The following UVRAG variants were observed in gnomAD, a reference collection of about 807,000 sequenced individuals.
UVRAG encodes UV radiation resistance associated, also known as UV radiation resistance-associated gene protein.
In UVRAG, 19 loss-of-function variants were observed where a neutral mutation model predicts 78.0. That is an observed-to-expected ratio of 0.24 (90% confidence interval 0.17 to 0.36). The LOEUF (loss-of-function observed/expected upper bound fraction) is 0.36. Ranked by LOEUF, UVRAG falls within the 10% of genes least tolerant of loss-of-function variation. The pLI is 1.00. For missense variants in UVRAG, 740 were observed against 853.8 expected (o/e 0.87, Z 1.66); for synonymous variants, 323 against 324.6 (o/e 1.00, Z 0.05).
chr11:75,892,348 A>G (rs886736209), intron 5 of UVRAG: 8 of 985,438 alleles, frequency 8.1e-6, no homozygotes, highest in Non-Finnish European at 9.6e-6. Flanking sequence ...CTCCTGAGAA[A>G]TGGAGTGGGG....
intron 1 of UVRAG, among the ~76,000 whole-genome samples, chr11:75,849,983 G>A (rs952966120): frequency 1.3e-5 from 2 of 151,942 alleles, no homozygotes; most frequent in African/African-American, 4.9e-5. Context: ...GAATCTTCTA[G>A]GACCCACATA....
intron 13 of UVRAG, among the ~76,000 whole-genome samples, chr11:76,079,598 G>GT (rs1438605157): frequency 6.6e-6 from 1 of 152,138 alleles, no homozygotes; most frequent in African/African-American, 2.4e-5. Context: ...CTAGGCTTAT[G>GT]TAAGTCCAAT....
At chr11:75,880,297 G>A (rs995126721) in intron 4 of UVRAG, among the ~76,000 whole-genome samples, 1 of 152,206 alleles carries the variant, frequency 6.6e-6, no homozygotes, top group African/African-American at 2.4e-5. Flanking sequence ...ATGGATTTGT[G>A]TGTGTGTTTA....
At chr11:76,067,597 A>C (rs1951216668) in intron 13 of UVRAG, among the ~76,000 whole-genome samples, 1 of 152,120 alleles carries the variant, frequency 6.6e-6, no homozygotes, top group Non-Finnish European at 1.5e-5. Context: ...TCTCTACTAA[A>C]AAATACAAAA....
rs57423859 is a variant in UVRAG, at chr11:76,114,041, G to A, written c.1306-1883G>A. 4.7e-3 allele frequency among the ~76,000 whole-genome samples: 712 copies of A among 152,040 alleles called. 8 individuals carry two copies. Among genetic ancestry groups the A allele is most frequent in the African/African-American group, 0.017 (688 of 41,476 alleles). ...CAGGCAATTGTCTGTGTACTCACTC[G>A]GAGACACATAGCTTAGTGTTATTTC... is the stretch of plus-strand genomic sequence containing the variant. On this transcript the variant is annotated intron_variant, in intron 13 of 14. Coordinates refer to ENST00000356136, the MANE Select transcript of UVRAG (RefSeq NM_003369.4).
chr11:75,997,202 T>G (rs935050944), intron 8 of UVRAG, among the ~76,000 whole-genome samples: 55 of 152,240 alleles, frequency 3.6e-4, no homozygotes, highest in African/African-American at 1.3e-3. Context: ...TATTGCTTTT[T>G]GGTCATCTGA....
intron 13 of UVRAG, among the ~76,000 whole-genome samples, chr11:76,071,785 G>A (rs55979208): frequency 0.033 from 4,997 of 152,156 alleles, 90 homozygotes; most frequent in Non-Finnish European, 0.038. Flanking sequence ...TGGACTGAAC[G>A]TGGGAGATGA....
intron 6 of UVRAG, among the ~76,000 whole-genome samples, chr11:75,947,896 A>T (rs753480038): frequency 2.6e-5 from 4 of 152,200 alleles, no homozygotes; most frequent in Non-Finnish European, 4.4e-5. Flanking sequence ...CACTAAATAA[A>T]TATGTATTCA....
At chr11:75,959,603 C>T (rs189372392) in intron 6 of UVRAG, among the ~76,000 whole-genome samples, 5 of 152,314 alleles carry the variant, frequency 3.3e-5, no homozygotes, top group Non-Finnish European at 5.9e-5. Flanking sequence ...AAACTCTTTC[C>T]GCATCAGCAA....
At chr11:76,053,934 C>G (rs1950926318) in intron 12 of UVRAG, among the ~76,000 whole-genome samples, 1 of 144,624 alleles carries the variant, frequency 6.9e-6, no homozygotes, top group African/African-American at 2.6e-5. Flanking sequence ...TGCGCCACTG[C>G]ACTCCAGCCT....
intron 12 of UVRAG, among the ~76,000 whole-genome samples, chr11:76,046,070 C>T (rs1020530826): frequency 3.9e-5 from 6 of 152,076 alleles, no homozygotes; most frequent in African/African-American, 1.4e-4. Flanking sequence ...TCCTCAAAGG[C>T]AGCACTGAAA....
rs919151744 is a variant in UVRAG, at chr11:75,939,990, G to A, written c.594-21454G>A. Among the ~76,000 whole-genome samples the A allele has an allele frequency of 5.3e-5, 8 of 152,114 alleles. No individual in the cohort carries two copies. In the East Asian group the frequency reaches 1.5e-3, roughly 29 times the overall value. On this transcript the variant is annotated intron_variant, in intron 6 of 14. Coordinates refer to ENST00000356136, the MANE Select transcript of UVRAG (RefSeq NM_003369.4). ...AACACTATACCAAAAACTTAAATGA[G>A]CAAAATTAATCACATGTATTGGCAA...
chr11:76,108,615 T>G (rs1425190929), intron 13 of UVRAG, among the ~76,000 whole-genome samples: 3 of 152,198 alleles, frequency 2.0e-5, no homozygotes, highest in Admixed American at 6.5e-5. Context: ...ACTATATTTT[T>G]ATACAAAAAG....
In UVRAG at chr11:76,143,640, T is replaced by C. The variant is rs1481135072; in HGVS notation, c.*2227T>C. 2.0e-5 allele frequency among the ~76,000 whole-genome samples: 3 copies of C among 152,208 alleles called. No homozygotes were observed. The highest frequency in any genetic ancestry group is 2.9e-5 in the Non-Finnish European group (2 of 68,038). ...TTTAGTTCGAGTTTGGGGTTTTCAT[T>C]TGAACTTGTTTGATGTCTGCAGTTT... On this transcript the variant is annotated 3_prime_UTR_variant, in exon 15 of 15. Transcript: ENST00000356136.
intron 7 of UVRAG, among the ~76,000 whole-genome samples, chr11:75,975,422 T>C (rs1243806556): frequency 6.6e-6 from 1 of 152,238 alleles, no homozygotes; most frequent in Non-Finnish European, 1.5e-5. Flanking sequence ...GGTAGCTTGA[T>C]GGGGATGGCA....
chr11:76,116,032 C>T lies in UVRAG; in HGVS notation c.1397+17C>T. ...GGTCAGGTGGTGAGTACCTTTATCT[C>T]TGATAACCAGAAACTGTAATGTGGA... On this transcript the variant is annotated intron_variant, in intron 14 of 14. Coordinates refer to ENST00000356136, the MANE Select transcript of UVRAG (RefSeq NM_003369.4). 2 of 1,607,536 alleles carry T rather than the reference C, an allele frequency of 1.2e-6. No individual in the cohort carries two copies. The highest frequency in any genetic ancestry group is 1.7e-6 in the Non-Finnish European group (2 of 1,174,336).
intron 2 of UVRAG, among the ~76,000 whole-genome samples, chr11:75,859,308 G>A (rs939997141): frequency 2.0e-5 from 3 of 151,758 alleles, no homozygotes; most frequent in Non-Finnish European, 4.4e-5. Context: ...CCCGGGAGGC[G>A]GAGGTTGCGG....
At chr11:75,933,357 C>G (rs1948284911) in intron 6 of UVRAG, among the ~76,000 whole-genome samples, 2 of 152,030 alleles carry the variant, frequency 1.3e-5, no homozygotes, top group Non-Finnish European at 2.9e-5. Context: ...AAAATTAAAT[C>G]AAAGTGGGTT....
chr11:75,963,700 T>G (rs1478445651), intron 7 of UVRAG, among the ~76,000 whole-genome samples: 1 of 152,248 alleles, frequency 6.6e-6, no homozygotes, highest in Admixed American at 6.5e-5. Flanking sequence ...GGTTCATAGT[T>G]GGTGACTTTC....
Sources: gnomAD v4.1 joint callset for allele counts (sites outside exome capture counted in the v4.1 genomes callset) on GRCh38, gnomAD v4.1.1 for gene constraint, MANE v1.5 for transcripts, NCBI Gene and HGNC (gene_info 2026-07-23, HGNC 2026-07-21) for gene names.